The following STPG4 variants were observed in gnomAD, a reference collection of about 807,000 sequenced individuals.
STPG4 encodes the protein protein STPG4.
Under a neutral mutation model 31.5 loss-of-function variants are expected in STPG4, and 41 were observed. That is an observed-to-expected ratio of 1.30 (90% confidence interval 1.01 to 1.69). The LOEUF (loss-of-function observed/expected upper bound fraction) is 1.69. Ranked by LOEUF, STPG4 falls within the 40% of genes most tolerant of loss-of-function variation. STPG4 has a pLI of 0.00. For missense variants in STPG4, 375 were observed against 293.4 expected (o/e 1.28, Z -2.03); for synonymous variants, 141 against 103.0 (o/e 1.37, Z -2.24).
chr2:47,113,912 T>C (rs1381810556), intron 5 of STPG4, among the ~76,000 whole-genome samples: 1 of 151,786 alleles, frequency 6.6e-6, no homozygotes, highest in Non-Finnish European at 1.5e-5. Flanking sequence ...CGGGCGCCTG[T>C]AGTCCCAGCT....
chr2:47,105,165 C>T (rs566077582), intron 5 of STPG4, among the ~76,000 whole-genome samples: 1 of 151,998 alleles, frequency 6.6e-6, no homozygotes, highest in South Asian at 2.1e-4. Context: ...TCTCTTTATA[C>T]GTCACAGAGA....
At chr2:47,134,807 T>C (rs1686564133) in intron 3 of STPG4, among the ~76,000 whole-genome samples, 1 of 152,198 alleles carries the variant, frequency 6.6e-6, no homozygotes, top group Admixed American at 6.5e-5. Flanking sequence ...GCTATACCAT[T>C]TTGCATTCTC....
chr2:47,090,375 C>T lies in STPG4; in HGVS notation c.520-1G>A, dbSNP rs1685546958. 1.9e-6 allele frequency: 3 copies of T among 1,540,786 alleles called. No homozygotes were observed. Among genetic ancestry groups the T allele is most frequent in the African/African-American group, 1.4e-5 (1 of 72,826 alleles). On this transcript the variant is annotated splice_acceptor_variant, in intron 5 of 6. Coordinates refer to ENST00000445927, the MANE Select transcript of STPG4 (RefSeq NM_001163561.2). LOFTEE classifies it high-confidence loss of function. ...AATGACCTGGACCAGGGCCTTCATG[C>T]TATTGAACATTTAAAAAATTGCTTC... is the stretch of plus-strand genomic sequence containing the variant.
chr2:47,114,040 A>G (rs116449335), intron 5 of STPG4, among the ~76,000 whole-genome samples: 3,943 of 125,798 alleles, frequency 0.031, 178 homozygotes, highest in African/African-American at 0.095. Flanking sequence ...AAAAAAAAAC[A>G]AAAACAAAAA....
At chr2:47,098,125 G>T (rs750990050) in intron 5 of STPG4, among the ~76,000 whole-genome samples, 19 of 152,154 alleles carry the variant, frequency 1.2e-4, no homozygotes, top group Non-Finnish European at 2.6e-4. Context: ...CCTTCATTCT[G>T]AATTCTCGTT....
At chr2:47,095,563 G>C (rs1436203304) in intron 5 of STPG4, among the ~76,000 whole-genome samples, 2 of 152,126 alleles carry the variant, frequency 1.3e-5, no homozygotes, top group Non-Finnish European at 2.9e-5. Context: ...CCCAGTCTGT[G>C]GTACTTTGTT....
chr2:47,108,914 A>G (rs1245728836), intron 5 of STPG4: 4 of 152,400 alleles, frequency 2.6e-5, no homozygotes, highest in South Asian at 2.1e-4. Context: ...TGGGGCAGCC[A>G]TTTTGCCTAG....
intron 5 of STPG4, among the ~76,000 whole-genome samples, chr2:47,119,127 G>T (rs530267862): frequency 1.6e-4 from 24 of 152,216 alleles, no homozygotes; most frequent in Admixed American, 1.4e-3. Context: ...CCCACTGCTG[G>T]GATCAAAAGA....
chr2:47,144,171 A>G (rs77873365), intron 3 of STPG4, among the ~76,000 whole-genome samples: 22 of 152,352 alleles, frequency 1.4e-4, no homozygotes, highest in Non-Finnish European at 2.6e-4. Context: ...CTAGTTGAAA[A>G]TATAAATGAT....
At chr2:47,125,435 T>C (rs914524702) in intron 5 of STPG4, among the ~76,000 whole-genome samples, 7 of 152,146 alleles carry the variant, frequency 4.6e-5, no homozygotes, top group African/African-American at 1.4e-4. Flanking sequence ...AAAAAGACCT[T>C]TTTCCTATTG....
At position 47,130,275 on chromosome 2, in the gene STPG4, C is replaced by T; in HGVS notation, c.400-15G>A. On this transcript the variant is annotated splice_polypyrimidine_tract_variant and intron_variant, in intron 3 of 6. Coordinates refer to ENST00000445927, the MANE Select transcript of STPG4 (RefSeq NM_001163561.2). ...AGCTGAAGTGACTGCACAGAATGGACAAGGACACCAATAGATTAATAGAGG... is the reference window on the plus strand; with the variant it reads ...AGCTGAAGTGACTGCACAGAATGGATAAGGACACCAATAGATTAATAGAGG... 6.2e-7 allele frequency: 1 copy of T among 1,609,760 alleles called. No homozygotes were observed. Among genetic ancestry groups the T allele is most frequent in the Non-Finnish European group, 8.5e-7 (1 of 1,176,546 alleles).
At chr2:47,112,755 C>A (rs995903217) in intron 5 of STPG4, among the ~76,000 whole-genome samples, 1 of 152,070 alleles carries the variant, frequency 6.6e-6, no homozygotes, top group African/African-American at 2.4e-5. Context: ...GAATGCAAAA[C>A]ACATTTCAGA....
intron 3 of STPG4, among the ~76,000 whole-genome samples, chr2:47,146,572 A>AG (rs1172944637): frequency 1.3e-5 from 2 of 151,480 alleles, no homozygotes; most frequent in African/African-American, 4.9e-5. Context: ...CTGAAAAAAA[A>AG]AAAAAAAGGA....
chr2:47,096,487 G>C (rs915668184), intron 5 of STPG4, among the ~76,000 whole-genome samples: 3 of 152,184 alleles, frequency 2.0e-5, no homozygotes, highest in African/African-American at 7.2e-5. Flanking sequence ...AGTGTTAACT[G>C]GACTGTGCTG....
At chr2:47,098,381 G>T (rs903647975) in intron 5 of STPG4, among the ~76,000 whole-genome samples, 1 of 152,194 alleles carries the variant, frequency 6.6e-6, no homozygotes, top group African/African-American at 2.4e-5. Context: ...CTATTTAACA[G>T]ATGAGAAAGT....
chr2:47,135,788 T>C (rs554209694), intron 3 of STPG4, among the ~76,000 whole-genome samples: 10 of 152,348 alleles, frequency 6.6e-5, no homozygotes, highest in African/African-American at 2.2e-4. Flanking sequence ...CAAAATTCAG[T>C]TGACTATATT....
At chr2:47,138,342 G>A (rs1686638630) in intron 3 of STPG4, among the ~76,000 whole-genome samples, 3 of 150,334 alleles carry the variant, frequency 2.0e-5, no homozygotes, top group Admixed American at 2.0e-4. Context: ...TAATTCCATT[G>A]TGGTCTGAGA....
intron 6 of STPG4, 84 bp downstream of exon 6, chr2:47,090,186 C>T: frequency 1.1e-6 from 1 of 903,848 alleles, no homozygotes; most frequent in South Asian, 1.5e-5. Context: ...CACCCCGCAC[C>T]TCCTACACAC....
chr2:47,104,077 G>A (rs1044332022), intron 5 of STPG4, among the ~76,000 whole-genome samples: 1 of 151,916 alleles, frequency 6.6e-6, no homozygotes, highest in Non-Finnish European at 1.5e-5. Flanking sequence ...ATTAGCCAAG[G>A]CTGGAGCTAT....
Sources: allele counts gnomAD v4.1 joint callset (sites outside exome capture counted in the v4.1 genomes callset), GRCh38; gene constraint gnomAD v4.1.1; transcripts MANE v1.5; gene names NCBI Gene and HGNC (gene_info 2026-07-23, HGNC 2026-07-21).